PGK1: variants seen among roughly 807,000 people sequenced by gnomAD.
The protein encoded by PGK1 is PRP 2.
PGK1 carries 3 observed loss-of-function variants against 26.9 expected under a neutral mutation model. That is an observed-to-expected ratio of 0.11 (90% confidence interval 0.05 to 0.29). The LOEUF (loss-of-function observed/expected upper bound fraction) is 0.29. PGK1 is among the 10% of genes least tolerant of loss of function. The pLI is 1.00. For missense variants in PGK1, 270 were observed against 314.7 expected (o/e 0.86, Z 1.07); for synonymous variants, 125 against 115.3 (o/e 1.08, Z -0.54).
chrX:78,106,521 A>T, intron 1 of PGK1: 1 of 754,077 alleles, frequency 1.3e-6, no homozygotes, highest in Non-Finnish European at 1.6e-6. Context: ...TTTTGTTTCA[A>T]CGTGGTGGTT....
rs939116159 is a variant in PGK1 at position 78,107,836 on chromosome X, G to A, written c.66-2031G>A. Reference sequence around the variant, plus strand: ...GCTGCAGCATTTCACATTTCTACCAGCAGTATTTGAGTAATCAGTTTCTCT... The same window carrying A: ...GCTGCAGCATTTCACATTTCTACCAACAGTATTTGAGTAATCAGTTTCTCT... On this transcript the variant is annotated intron_variant, in intron 1 of 10. Coordinates refer to ENST00000373316, the MANE Select transcript of PGK1 (RefSeq NM_000291.4). Among the ~76,000 whole-genome samples the A allele has an allele frequency of 3.6e-5, 4 of 111,147 alleles. No individual in the cohort carries two copies. In the East Asian group the frequency reaches 8.4e-4, roughly 23 times the overall value.
chrX:78,113,213 T>A (rs1014622409), intron 2 of PGK1, among the ~76,000 whole-genome samples: 1 of 111,144 alleles, frequency 9.0e-6, no homozygotes, highest in Non-Finnish European at 1.9e-5. Context: ...GAAGATGACC[T>A]AAGCCCCTGG....
intron 1 of PGK1, among the ~76,000 whole-genome samples, chrX:78,108,397 G>A (rs1291020251): frequency 1.8e-5 from 2 of 112,506 alleles, no homozygotes; most frequent in African/African-American, 6.5e-5. Context: ...CAGGCTCCTT[G>A]TTCAGGATAT....
At chrX:78,110,258 T>A (rs1387488218) in intron 2 of PGK1, among the ~76,000 whole-genome samples, 2 of 109,856 alleles carry the variant, frequency 1.8e-5, no homozygotes, top group Non-Finnish European at 3.8e-5. Flanking sequence ...GCTCAAGCAG[T>A]CCTCTGGCCT....
At chrX:78,121,459 A>T (rs911148995) in intron 6 of PGK1, among the ~76,000 whole-genome samples, 2 of 111,531 alleles carry the variant, frequency 1.8e-5, no homozygotes, top group Admixed American at 1.9e-4. Flanking sequence ...CTTGGTGGTA[A>T]CCAATCTTTA....
rs1557248896 is a variant in PGK1, at chrX:78,128,129, A to G, written c.*2299A>G. 8.9e-6 allele frequency: 1 copy of G among 112,984 alleles called. No individual in the cohort carries two copies. The highest frequency in any genetic ancestry group is 3.2e-5 in the African/African-American group (1 of 31,101). The allele number at this position is 112,984 out of a possible 1,213,427, so 9.3% of individuals were successfully genotyped here. On this transcript the variant is annotated 3_prime_UTR_variant, in exon 11 of 11. Transcript: ENST00000373316. ...CATAAACAACTTGTCAATTAGGCAAATATTTGAGTTCCTTCTATGTGCTTA... is the reference window on the plus strand; with the variant it reads ...CATAAACAACTTGTCAATTAGGCAAGTATTTGAGTTCCTTCTATGTGCTTA...
rs782616183 is a variant in PGK1 at position 78,104,961 on chromosome X, C to A, written c.65+556C>A. 3.8e-3 allele frequency among the ~76,000 whole-genome samples: 427 copies of A among 112,194 alleles called. 3 individuals carry two copies. Among genetic ancestry groups the A allele is most frequent in the Non-Finnish European group, 7.0e-3 (371 of 53,156 alleles). On this transcript the variant is annotated intron_variant, in intron 1 of 10. Transcript: ENST00000373316. ...GGGTGGGAGGGTAGGGCGGGGCGAACTGGAGGAGGCCCTGCAGAGCTTACG... is the reference window on the plus strand; with the variant it reads ...GGGTGGGAGGGTAGGGCGGGGCGAAATGGAGGAGGCCCTGCAGAGCTTACG...
intron 1 of PGK1, among the ~76,000 whole-genome samples, chrX:78,105,052 A>G (rs887700168): frequency 8.9e-6 from 1 of 112,237 alleles, no homozygotes; most frequent in African/African-American, 3.2e-5. Flanking sequence ...TTGCATCAGG[A>G]TTGTGACATA....
At chrX:78,109,576 AG>A (rs782816127) in intron 1 of PGK1, among the ~76,000 whole-genome samples, 1 of 110,630 alleles carries the variant, frequency 9.0e-6, no homozygotes, top group Non-Finnish European at 1.9e-5. Flanking sequence ...CATACCTAAA[AG>A]GGCACAAATC....
chrX:78,116,568 C>T (rs1444912379), intron 4 of PGK1, among the ~76,000 whole-genome samples: 2 of 112,147 alleles, frequency 1.8e-5, no homozygotes, highest in East Asian at 2.8e-4. Flanking sequence ...GGCTTGCTTC[C>T]TGTGCCTCTT....
At chrX:78,118,610 A>AAACG (rs1364596704) in intron 6 of PGK1, among the ~76,000 whole-genome samples, 1 of 110,799 alleles carries the variant, frequency 9.0e-6, no homozygotes, top group East Asian at 2.8e-4. Context: ...ATAAACAAAC[A>AAACG]AACGAACGAA....
At position 78,129,220 on chromosome X, in the gene PGK1, C is replaced by CCTATCTACCTATCTAT. The variant is rs372185667; in HGVS notation, c.*3397_*3398insCCTATCTATCTATCTA. The CCTATCTACCTATCTAT allele has an allele frequency of 2.1e-3, 207 of 100,062 alleles. No individual in the cohort carries two copies. Among genetic ancestry groups the CCTATCTACCTATCTAT allele is most frequent in the African/African-American group, 7.4e-3 (196 of 26,619 alleles). 8.2% of individuals were successfully genotyped at this position (100,062 alleles called of 1,213,427 possible). ...CATAAAGAGCATACCCATGTGTGTACCTATCTATCTATCTATCTATCTATC... is the reference window on the plus strand; with the variant it reads ...CATAAAGAGCATACCCATGTGTGTACCTATCTACCTATCTATCTATCTATCTATCTATCTATCTATC... On this transcript the variant is annotated 3_prime_UTR_variant, in exon 11 of 11. Transcript: ENST00000373316.
rs2078376294 is a variant in PGK1, at chrX:78,125,132, CTA to C, written c.1114+83_1114+84del. The stretch of plus-strand genomic sequence containing the variant: ...AGGAAGGTGGAATGGAGAACTTCTT[CTA>C]TGTCTCTTTATTCTGGGTAAATGTT... On this transcript the variant is annotated intron_variant, in intron 9 of 10. Coordinates refer to ENST00000373316, the MANE Select transcript of PGK1 (RefSeq NM_000291.4). 5.6e-6 allele frequency: 5 copies of C among 894,187 alleles called. No individual in the cohort carries two copies. In the East Asian group the frequency reaches 1.6e-4, roughly 28 times the overall value. The allele number at this position is 894,187 out of a possible 1,213,427, so 73.7% of individuals were successfully genotyped here.
chrX:78,109,435 G>A (rs1420619794), intron 1 of PGK1, among the ~76,000 whole-genome samples: 5 of 111,076 alleles, frequency 4.5e-5, no homozygotes, highest in Admixed American at 3.8e-4. Context: ...GCTGCTACCC[G>A]GATACTATTG....
intron 6 of PGK1, among the ~76,000 whole-genome samples, chrX:78,118,601 T>TAAATAAATAAATAAACAAAC (rs1272522622): frequency 1.3e-4 from 14 of 109,062 alleles, no homozygotes; most frequent in African/African-American, 4.7e-4. Flanking sequence ...AATAAATAAA[T>TAAATAAATAAATAAACAAAC]AAACAAACAA....
chrX:78,111,006 A>G (rs1182557282), intron 2 of PGK1, among the ~76,000 whole-genome samples: 2 of 109,798 alleles, frequency 1.8e-5, no homozygotes, highest in African/African-American at 3.3e-5. Flanking sequence ...TATATGGGTT[A>G]CATGAGATAT....
At chrX:78,114,782 C>T (rs145027861) in intron 4 of PGK1, among the ~76,000 whole-genome samples, 142 of 112,209 alleles carry the variant, frequency 1.3e-3, no homozygotes, top group South Asian at 3.7e-3. Flanking sequence ...TCACCTCTGC[C>T]GATGTTGTGC....
chrX:78,122,452 T>TGTGTGTG (rs2078360666), intron 6 of PGK1, among the ~76,000 whole-genome samples: 4 of 93,488 alleles, frequency 4.3e-5, no homozygotes, highest in African/African-American at 1.7e-4. Context: ...TGTGTGTGTG[T>TGTGTGTG]TGGGGAATGT....
chrX:78,117,556 T>A (rs1303782288), intron 5 of PGK1, 141 bp downstream of exon 5: 1 of 504,667 alleles, frequency 2.0e-6, no homozygotes, highest in Non-Finnish European at 3.5e-6. Context: ...CCACTATGGC[T>A]CTTGTTGAGT....
Sources: allele counts gnomAD v4.1 joint callset (sites outside exome capture counted in the v4.1 genomes callset), GRCh38; gene constraint gnomAD v4.1.1; transcripts MANE v1.5; gene names NCBI Gene and HGNC (gene_info 2026-07-23, HGNC 2026-07-21).